MYO1F: variants seen among roughly 807,000 people sequenced by gnomAD.
The protein encoded by MYO1F is unconventional myosin-If.
A neutral mutation model predicts 146.6 loss-of-function variants in MYO1F; 60 were observed. The observed-to-expected ratio is 0.41, with a 90% confidence interval of 0.33 to 0.51. MYO1F has a LOEUF of 0.51. Ranked by LOEUF, MYO1F falls within the 20% of genes least tolerant of loss-of-function variation. MYO1F has a pLI of 0.25. For synonymous variants in MYO1F, 602 were observed against 602.1 expected (o/e 1.00, Z 0.00); for missense variants, 1,274 against 1,534.3 (o/e 0.83, Z 2.83).
intron 1 of MYO1F, among the ~76,000 whole-genome samples, chr19:8,556,887 C>CAAAAA (rs534645939): frequency 1.4e-5 from 1 of 69,128 alleles, no homozygotes; most frequent in Non-Finnish European, 4.0e-5. Flanking sequence ...AACTCTGTCT[C>CAAAAA]AAAAAAAAAA....
intron 16 of MYO1F, among the ~76,000 whole-genome samples, chr19:8,537,946 C>T (rs1428635984): frequency 6.6e-6 from 1 of 150,820 alleles, no homozygotes; most frequent in Admixed American, 6.6e-5. Context: ...AGAGGTTTGC[C>T]TTGGGTTTTG....
intron 25 of MYO1F, 127 bp downstream of exon 25, chr19:8,525,352 A>T: frequency 1.2e-6 from 1 of 819,018 alleles, no homozygotes; most frequent in East Asian, 2.4e-5. Flanking sequence ...ATGTGGAGCT[A>T]CGGAGAGTCC....
At chr19:8,566,161 C>CTTTTTTTTTTTTTTTTTTTTTTTTTTTTT (rs781059040) in intron 1 of MYO1F, among the ~76,000 whole-genome samples, 1 of 78,338 alleles carries the variant, frequency 1.3e-5, no homozygotes. Flanking sequence ...CAGTCTATGT[C>CTTTTTTTTTTTTTTTTTTTTTTTTTTTTT]TTTTTTTTTT....
At chr19:8,565,391 C>T (rs1181114601) in intron 1 of MYO1F, among the ~76,000 whole-genome samples, 2 of 151,504 alleles carry the variant, frequency 1.3e-5, no homozygotes, top group African/African-American at 4.8e-5. Context: ...AAAAGTACAA[C>T]ATTAGCCAGG....
At chr19:8,535,651 C>G (rs1972673348) in intron 19 of MYO1F, among the ~76,000 whole-genome samples, 1 of 151,608 alleles carries the variant, frequency 6.6e-6, no homozygotes, top group Admixed American at 6.6e-5. Flanking sequence ...CTCTCAATCT[C>G]TCTCTCTCAA....
intron 25 of MYO1F, among the ~76,000 whole-genome samples, chr19:8,523,722 A>G (rs1272946688): frequency 1.3e-5 from 2 of 152,022 alleles, no homozygotes; most frequent in East Asian, 3.9e-4. Context: ...CAGTGAGATC[A>G]TAGCTCACTG....
chr19:8,543,693 G>C (rs57316317), intron 14 of MYO1F, among the ~76,000 whole-genome samples: 3,336 of 20,580 alleles, frequency 0.16, 394 homozygotes, highest in East Asian at 0.22. Context: ...GGTGGTGGTG[G>C]TGGTGGTGGT....
rs1973570934 is a variant in MYO1F, at chr19:8,550,755, G to A, written c.772-61C>T. 11 of 1,610,312 alleles carry A rather than the reference G, an allele frequency of 6.8e-6. No individual in the cohort carries two copies. The South Asian group carries it at 1.2e-4, about 18-fold the overall frequency. ...TCCTGGCCTCCAACCTGCCTCCAGGGGCAGGCTTGAGGGACCACAGCACGG... is the reference window on the plus strand; with the variant it reads ...TCCTGGCCTCCAACCTGCCTCCAGGAGCAGGCTTGAGGGACCACAGCACGG... On this transcript the variant is annotated intron_variant, in intron 8 of 27. Transcript: ENST00000644032.
In MYO1F at chr19:8,551,735, C is replaced by T; in HGVS notation, c.771+5G>A. Reference sequence around the variant, plus strand: ...CCGGGGACTGGAGTAGAGGCCGGTGCTCACCAGAGTCTCACCAAAGTCGCT... The same window carrying T: ...CCGGGGACTGGAGTAGAGGCCGGTGTTCACCAGAGTCTCACCAAAGTCGCT... On this transcript the variant is annotated splice_donor_5th_base_variant and intron_variant, in intron 8 of 27. Coordinates refer to ENST00000644032, the MANE Select transcript of MYO1F (RefSeq NM_012335.4). 1 of 1,614,138 alleles carries T rather than the reference C, an allele frequency of 6.2e-7. No homozygotes were observed. Among genetic ancestry groups the T allele is most frequent in the Non-Finnish European group, 8.5e-7 (1 of 1,180,040 alleles).
rs953917543 is a variant in MYO1F, at chr19:8,536,550, A to G, written c.1847T>C (p.Val616Ala). The G allele has an allele frequency of 1.3e-6, 2 of 1,593,696 alleles. No individual in the cohort carries two copies. The highest frequency in any genetic ancestry group is 2.8e-5 in the African/African-American group (2 of 70,660). ...GCGGTAGGCGAAGCCGGCTCTGCGC[A>G]CCCTGATGTTCTCCTTCAGGCCCAG... ...EYLGLKENIR[V>A]RRAGFAYRRQ... is the part of the protein sequence containing the mutation. Residue 616 changes from valine to alanine, a missense_variant, in exon 18 of 28, where the codon GTG becomes GCG. By Grantham distance (64) the Val-to-Ala change is moderately conservative. Around this residue, in one of 2 missense-constraint regions of MYO1F, gnomAD observed 900 missense variants for 1,155.1 expected, o/e 0.78. Coordinates refer to ENST00000644032, the MANE Select transcript of MYO1F (RefSeq NM_012335.4).
chr19:8,536,395 A>G lies in MYO1F; in HGVS notation c.1900T>C (p.Tyr634His). The change falls in exon 19 of 28, where the codon TAT becomes CAT. Residue 634 changes from tyrosine to histidine, a missense_variant and splice_region_variant. Transcript: ENST00000644032. The stretch of plus-strand genomic sequence containing the variant: ...CACGTCTCGGGGGTCAGAATGGCAT[A>G]CCTGAGGGCGGAGGGCTGGGGTGTG... ...RRQFAKFLQR[Y>H]AILTPETWPR... The G allele has an allele frequency of 1.2e-6, 2 of 1,603,410 alleles. No homozygotes were observed. The highest frequency in any genetic ancestry group is 1.7e-6 in the Non-Finnish European group (2 of 1,178,872).
At chr19:8,532,901 A>AAAAAAAATATATAT (rs1172873322) in intron 19 of MYO1F, among the ~76,000 whole-genome samples, 25 of 47,824 alleles carry the variant, frequency 5.2e-4, no homozygotes, top group South Asian at 8.7e-4. Context: ...AAAAAAAAAA[A>AAAAAAAATATATAT]ATACACACAC....
At chr19:8,539,376 T>C (rs954579450) in intron 16 of MYO1F, among the ~76,000 whole-genome samples, 15 of 151,578 alleles carry the variant, frequency 9.9e-5, no homozygotes, top group African/African-American at 2.7e-4. Context: ...ATCACGCCAT[T>C]GCACTCCAGC....
intron 4 of MYO1F, among the ~76,000 whole-genome samples, chr19:8,553,894 A>ACACACACACACTCT: frequency 1.6e-4 from 16 of 102,666 alleles, no homozygotes; most frequent in African/African-American, 4.6e-4. Flanking sequence ...ACACACACAC[A>ACACACACACACTCT]CTCTCTCTCT....
chr19:8,554,740 A>T lies in MYO1F; in HGVS notation c.145T>A (p.Tyr49Asn). The change falls in exon 3 of 28, where the codon TAC (tyrosine) becomes AAC (asparagine). Residue 49 changes from tyrosine to asparagine, a missense_variant. Tyr to Asn is a moderately radical substitution (Grantham distance 143, BLOSUM62 -2). Coordinates refer to ENST00000644032, the MANE Select transcript of MYO1F (RefSeq NM_012335.4). ...ACAGAGATGAGCACAGAGCCGATGTAGGTCTGAGGGATGGTTAAGGGTCGT... is the reference window on the plus strand; with the variant it reads ...ACAGAGATGAGCACAGAGCCGATGTTGGTCTGAGGGATGGTTAAGGGTCGT... ...KRFMDDYIFTYIGSVLISVNP... is the reference protein window; with the variant it reads ...KRFMDDYIFTNIGSVLISVNP... The T allele has an allele frequency of 6.2e-7, 1 of 1,613,896 alleles. No individual in the cohort carries two copies. The highest frequency in any genetic ancestry group is 8.5e-7 in the Non-Finnish European group (1 of 1,179,908).
rs374157870 is a variant in MYO1F, at chr19:8,553,868, TCACACACACACACA to T, written c.327-445_327-432del. On this transcript the variant is annotated intron_variant, in intron 4 of 27. Transcript: ENST00000644032. ...GCCTGGGTGACAGACTGAGACTCTG[TCACACACACACACA>T]CACACACACACACTCTCTCTCTCTC... Among the ~76,000 whole-genome samples, 648 of 121,586 alleles carry T rather than the reference TCACACACACACACA, an allele frequency of 5.3e-3. 11 individuals are homozygous for T. Among genetic ancestry groups the T allele is most frequent in the African/African-American group, 0.021 (618 of 29,208 alleles). The allele number at this position is 121,586 out of a possible 152,430, so 79.8% of individuals were successfully genotyped here. A position where few individuals can be genotyped will look rare whatever the true frequency, so the allele number is the denominator to read the frequency against.
intron 25 of MYO1F, among the ~76,000 whole-genome samples, chr19:8,524,416 C>CAAAAAA (rs777339567): frequency 1.4e-3 from 113 of 83,472 alleles, no homozygotes; most frequent in Non-Finnish European, 2.1e-3. Flanking sequence ...GACTCTGTCT[C>CAAAAAA]AAAAAAAAAA....
chr19:8,552,371 G>C (rs886995975), intron 6 of MYO1F, among the ~76,000 whole-genome samples: 2 of 151,998 alleles, frequency 1.3e-5, no homozygotes, highest in Non-Finnish European at 2.9e-5. Context: ...TGATTCTCCT[G>C]CCTTAGCCTC....
In MYO1F at chr19:8,527,438, T is replaced by C. The variant is rs375036959; in HGVS notation, c.2374A>G (p.Ile792Val). ...CCCTTCTTCACTTTCTCTCGCCCAATCACATACACACACTTGGGCGTCAGG... is the reference window on the plus strand; with the variant it reads ...CCCTTCTTCACTTTCTCTCGCCCAACCACATACACACACTTGGGCGTCAGG... ...LILTPKCVYV[I>V]GREKVKKGPE... The change falls in exon 22 of 28, where the codon ATT becomes GTT. Residue 792 changes from isoleucine to valine, a missense_variant. By Grantham distance (29) the Ile-to-Val change is conservative. Transcript: ENST00000644032. The C allele has an allele frequency of 1.9e-6, 3 of 1,613,906 alleles. No homozygotes were observed. The highest frequency in any genetic ancestry group is 2.7e-5 in the African/African-American group (2 of 74,892).
Sources: allele counts gnomAD v4.1 joint callset (sites outside exome capture counted in the v4.1 genomes callset), GRCh38; gene constraint gnomAD v4.1.1; regional missense constraint gnomAD v4.1.1; transcripts MANE v1.5; gene names NCBI Gene and HGNC (gene_info 2026-07-23, HGNC 2026-07-21).